SYNRG: variants seen among roughly 807,000 people sequenced by gnomAD.
SYNRG encodes synergin gamma.
Under a neutral mutation model 130.9 loss-of-function variants are expected in SYNRG, and 37 were observed. The observed-to-expected ratio is 0.28, with a 90% CI of 0.22 to 0.37. SYNRG has a LOEUF of 0.37. Among genes scored for constraint, SYNRG ranks in the 10% least tolerant of loss-of-function variants. The pLI is 1.00. For missense variants in SYNRG, 1,338 were observed against 1,588.9 expected (o/e 0.84, Z 2.68); for synonymous variants, 539 against 568.1 (o/e 0.95, Z 0.73).
intron 6 of SYNRG, 38 bp downstream of exon 6, chr17:37,584,610 T>C (rs1411667593): frequency 6.4e-7 from 1 of 1,556,686 alleles, no homozygotes; most frequent in East Asian, 2.3e-5. Flanking sequence ...ATAAATCACC[T>C]TCCCAGAAAA....
chr17:37,527,030 C>T (rs546833098), intron 19 of SYNRG, among the ~76,000 whole-genome samples: 1 of 152,212 alleles, frequency 6.6e-6, no homozygotes, highest in South Asian at 2.1e-4. Context: ...AATGCTATCA[C>T]CATTGAAAAT....
At chr17:37,566,401 C>T (rs2060000969) in intron 11 of SYNRG, among the ~76,000 whole-genome samples, 1 of 146,534 alleles carries the variant, frequency 6.8e-6, no homozygotes, top group African/African-American at 2.6e-5. Flanking sequence ...AAGGGCGGTG[C>T]AAGATGTGCT....
At chr17:37,583,793 C>T (rs2061502052) in intron 6 of SYNRG, among the ~76,000 whole-genome samples, 1 of 152,162 alleles carries the variant, frequency 6.6e-6, no homozygotes, top group African/African-American at 2.4e-5. Flanking sequence ...CTCCCAGGTT[C>T]AAGTGATTCT....
chr17:37,570,558 C>A, intron 10 of SYNRG, 79 bp downstream of exon 10: 1 of 1,508,812 alleles, frequency 6.6e-7, no homozygotes. Flanking sequence ...CAGTAACCTA[C>A]TCTATGTATC....
rs71135748 is a variant in SYNRG, at chr17:37,580,510, TGA to T, written c.590-2899_590-2898del. Among the ~76,000 whole-genome samples, 118 of 127,560 alleles carry T rather than the reference TGA, an allele frequency of 9.3e-4. 1 individual carries two copies. The highest frequency in any genetic ancestry group is 2.6e-3 in the South Asian group (11 of 4,196). 83.7% of individuals were successfully genotyped at this position (127,560 alleles called of 152,430 possible). A position where few individuals can be genotyped will look rare whatever the true frequency, so the allele number is the denominator to read the frequency against. ...GTGTGTGTGTGTGTGTGTGTGTGTG[TGA>T]GAGAGAGAGAGAGAGAGAGAGAGAC... is the stretch of plus-strand genomic sequence containing the variant. On this transcript the variant is annotated intron_variant, in intron 6 of 21. Transcript: ENST00000612223.
intron 15 of SYNRG, 95 bp from the exon 16 acceptor site, chr17:37,540,638 T>TC (rs2057669723): frequency 1.5e-6 from 2 of 1,344,916 alleles, no homozygotes; most frequent in Admixed American, 2.4e-5. Flanking sequence ...TTCTTTTTTT[T>TC]TTTTTTTTTT....
At chr17:37,552,784 G>A (rs149740865) in intron 14 of SYNRG, among the ~76,000 whole-genome samples, 149 of 152,246 alleles carry the variant, frequency 9.8e-4, no homozygotes, top group African/African-American at 2.9e-3. Context: ...GAACACTGCC[G>A]GCACTGCAAA....
At chr17:37,575,416 T>A (rs1266802692) in intron 8 of SYNRG, among the ~76,000 whole-genome samples, 1 of 152,182 alleles carries the variant, frequency 6.6e-6, no homozygotes, top group East Asian at 1.9e-4. Context: ...TCTCATGTAC[T>A]CCATAAAAAT....
intron 3 of SYNRG, among the ~76,000 whole-genome samples, chr17:37,589,378 A>G (rs2061956360): frequency 1.3e-5 from 2 of 152,252 alleles, no homozygotes; most frequent in African/African-American, 2.4e-5. Context: ...GGACAAATAC[A>G]TGAGCTCAGA....
chr17:37,586,386 C>A lies in SYNRG; in HGVS notation c.371+33G>T, dbSNP rs74519573. The A allele has an allele frequency of 9.0e-3, 14,546 of 1,612,104 alleles. 896 individuals are homozygous for A. In the African/African-American group the frequency reaches 0.15, roughly 17 times the overall value. On this transcript the variant is annotated intron_variant, in intron 4 of 21. Coordinates refer to ENST00000612223, the MANE Select transcript of SYNRG (RefSeq NM_007247.6). Reference sequence around the variant, plus strand: ...TCTTAAGATAGATGCTATAATGTATCTTTGTTATCCTTTAATTCTGGTGAT... The same window carrying A: ...TCTTAAGATAGATGCTATAATGTATATTTGTTATCCTTTAATTCTGGTGAT...
chr17:37,590,157 G>A lies in SYNRG; in HGVS notation c.241-3608C>T, dbSNP rs183296457. ...CATTCCAGCCTGGGCGACAGGGCGAGACTCTGTCTCAAAAAAAAAAAAAAG... is the reference window on the plus strand; with the variant it reads ...CATTCCAGCCTGGGCGACAGGGCGAAACTCTGTCTCAAAAAAAAAAAAAAG... On this transcript the variant is annotated intron_variant, in intron 3 of 21. Coordinates refer to ENST00000612223, the MANE Select transcript of SYNRG (RefSeq NM_007247.6). 4.9e-3 allele frequency among the ~76,000 whole-genome samples: 715 copies of A among 146,282 alleles called. 2 individuals carry two copies. Among genetic ancestry groups the A allele is most frequent in the Non-Finnish European group, 7.0e-3 (470 of 67,148 alleles).
chr17:37,538,520 CA>C, intron 17 of SYNRG, 100 bp from the exon 18 acceptor site: 1 of 716,802 alleles, frequency 1.4e-6, no homozygotes, highest in Non-Finnish European at 2.4e-6. Context: ...CAGGAGGTGT[CA>C]AAAAATCTCA....
In SYNRG at chr17:37,518,175, TCA is replaced by T. The variant is rs1490879007; in HGVS notation, c.*763_*764del. On this transcript the variant is annotated 3_prime_UTR_variant, in exon 22 of 22. Coordinates refer to ENST00000612223, the MANE Select transcript of SYNRG (RefSeq NM_007247.6). The stretch of plus-strand genomic sequence containing the variant: ...AATCTTGTCTGAGAAAACTCCATGG[TCA>T]CAGTCTTTGCATGCGGCAGAACAGG... The T allele has an allele frequency of 6.6e-6, 1 of 152,218 alleles. No homozygotes were observed. The highest frequency in any genetic ancestry group is 1.5e-5 in the Non-Finnish European group (1 of 68,040). 9.4% of individuals were successfully genotyped at this position (152,218 alleles called of 1,614,324 possible). A position where few individuals can be genotyped will look rare whatever the true frequency, so the allele number is the denominator to read the frequency against.
At chr17:37,571,477 G>A (rs1190451555) in intron 9 of SYNRG, among the ~76,000 whole-genome samples, 2 of 152,172 alleles carry the variant, frequency 1.3e-5, no homozygotes. Flanking sequence ...AGCTACTTGG[G>A]AGGCTGAGGC....
At chr17:37,520,258 A>G (rs1266941596) in intron 20 of SYNRG, 44 bp from the exon 21 acceptor site, 1 of 1,613,014 alleles carries the variant, frequency 6.2e-7, no homozygotes, top group East Asian at 2.2e-5. Context: ...TTCCCAGAAC[A>G]GGGCCTCTTG....
intron 8 of SYNRG, among the ~76,000 whole-genome samples, chr17:37,574,890 AGCAACCTAAGTGT>A (rs2060690474): frequency 6.6e-6 from 1 of 152,106 alleles, no homozygotes; most frequent in African/African-American, 2.4e-5. Flanking sequence ...AAGATTCAAA[AGCAACCTAAGTGT>A]CCATTGACAG....
intron 3 of SYNRG, among the ~76,000 whole-genome samples, chr17:37,591,164 G>C (rs940158237): frequency 6.6e-6 from 1 of 152,010 alleles, no homozygotes; most frequent in Non-Finnish European, 1.5e-5. Flanking sequence ...ACAATCAATT[G>C]TATTTCTATA....
intron 13 of SYNRG, 53 bp downstream of exon 13, chr17:37,561,142 C>CT (rs758490577): frequency 2.6e-6 from 4 of 1,518,098 alleles, no homozygotes; most frequent in African/African-American, 1.4e-5. Context: ...TCGAAAACCC[C>CT]TTTTTTATTA....
At chr17:37,556,366 G>T (rs2059120821) in intron 13 of SYNRG, among the ~76,000 whole-genome samples, 1 of 151,966 alleles carries the variant, frequency 6.6e-6, no homozygotes, top group Non-Finnish European at 1.5e-5. Context: ...CAGGAGAATC[G>T]CTTGAACCCT....
Sources: gnomAD v4.1 joint callset for allele counts (sites outside exome capture counted in the v4.1 genomes callset) on GRCh38, gnomAD v4.1.1 for gene constraint, MANE v1.5 for transcripts, NCBI Gene and HGNC (gene_info 2026-07-23, HGNC 2026-07-21) for gene names.